The following DNPEP variants were observed in gnomAD, a reference collection of about 807,000 sequenced individuals.
DNPEP encodes the protein aspartyl aminopeptidase.
A neutral mutation model predicts 59.1 loss-of-function variants in DNPEP; 46 were observed. The observed-to-expected ratio is 0.78, with a 90% CI of 0.61 to 0.99. DNPEP has a LOEUF of 0.99. DNPEP is among the 50% of genes least tolerant of loss of function. DNPEP has a pLI of 0.00. For missense variants in DNPEP, 617 were observed against 649.9 expected, an observed-to-expected ratio of 0.95 and a Z score of 0.55; for synonymous variants, 229 against 242.2, an observed-to-expected ratio of 0.95 and a Z score of 0.50.
Position 219,386,882 on chromosome 2 carries a change from C to T in DNPEP, c.219+10G>A. On this transcript the variant is annotated intron_variant, in intron 3 of 14. Coordinates refer to ENST00000273075, the MANE Select transcript of DNPEP (RefSeq NM_012100.4). ...GACCTGCCTTTCCACCCCCACCCCA[C>T]CCCCAGTACCTTGCTCTCGGGCTTA... is the stretch of plus-strand genomic sequence containing the variant. 6.2e-7 allele frequency: 1 copy of T among 1,610,888 alleles called. No individual in the cohort carries two copies. Among genetic ancestry groups the T allele is most frequent in the Non-Finnish European group, 8.5e-7 (1 of 1,177,176 alleles).
intron 13 of DNPEP, among the ~76,000 whole-genome samples, chr2:219,376,474 C>T (rs1205777147): frequency 1.4e-5 from 2 of 143,926 alleles, no homozygotes; most frequent in Admixed American, 7.3e-5. Flanking sequence ...GGCAACAGAG[C>T]GAGACCCTGT....
At chr2:219,384,299 C>A in intron 9 of DNPEP, 67 bp downstream of exon 9, 2 of 1,486,474 alleles carry the variant, frequency 1.3e-6, no homozygotes, top group South Asian at 1.2e-5. Flanking sequence ...TTAGGCAGCT[C>A]CCCCGACCCC....
At position 219,373,529 on chromosome 2, in the gene DNPEP, T is replaced by G. The variant is rs1953257235; in HGVS notation, c.*763A>C. On this transcript the variant is annotated 3_prime_UTR_variant, in exon 15 of 15. Transcript: ENST00000273075. ...TGTGTGCCACCATGCCTGGCTAATT[T>G]TTTTGTATTTTTTTTTAAGTAGAGA... The G allele has an allele frequency of 6.6e-6, 1 of 152,060 alleles. No individual in the cohort carries two copies. Among genetic ancestry groups the G allele is most frequent in the Admixed American group, 6.6e-5 (1 of 15,252 alleles). The allele number at this position is 152,060 out of a possible 1,614,324, so 9.4% of individuals were successfully genotyped here. A position where few individuals can be genotyped will look rare whatever the true frequency, so the allele number is the denominator to read the frequency against.
intron 10 of DNPEP, among the ~76,000 whole-genome samples, 185 bp downstream of exon 10, chr2:219,382,946 G>C (rs1195634528): frequency 6.6e-6 from 1 of 152,132 alleles, no homozygotes. Flanking sequence ...CAGGAGAGAC[G>C]GTCACCCTCG....
chr2:219,388,769 T>C, upstream of DNPEP: 2 of 985,500 alleles, frequency 2.0e-6, no homozygotes, highest in Non-Finnish European at 2.4e-6. Flanking sequence ...ATAAAAGCAA[T>C]AAGGCTAATG....
rs1164136006 is a variant in DNPEP at position 219,372,527 on chromosome 2, G to A, written c.*1765C>T. Among the ~76,000 whole-genome samples, 3 of 151,916 alleles carry A rather than the reference G, an allele frequency of 2.0e-5. No homozygotes were observed. Among genetic ancestry groups the A allele is most frequent in the East Asian group, 3.9e-4 (2 of 5,174 alleles). ...ATTACAGGCACCCACCACCACGCAT[G>A]GCTAATTTTTTTTGTATTTTTAGTA... On this transcript the variant is annotated 3_prime_UTR_variant, in exon 15 of 15. Coordinates refer to ENST00000273075, the MANE Select transcript of DNPEP (RefSeq NM_012100.4).
chr2:219,385,082 C>A, intron 8 of DNPEP: 1 of 237,892 alleles, frequency 4.2e-6, no homozygotes, highest in Non-Finnish European at 8.2e-6. Context: ...CCATCAGCAA[C>A]CGGGAGACAG....
intron 13 of DNPEP, among the ~76,000 whole-genome samples, chr2:219,377,049 G>A (rs1048041838): frequency 8.6e-5 from 13 of 151,916 alleles, no homozygotes. Flanking sequence ...TGAGGTGGGC[G>A]GACCACTTGA....
At chr2:219,397,930 T>G (rs960450657) in intron 1 of DNPEP, among the ~76,000 whole-genome samples, 7 of 152,096 alleles carry the variant, frequency 4.6e-5, no homozygotes, top group African/African-American at 1.4e-4. Context: ...AGATGGAGTT[T>G]CAGTATGTTG....
upstream of DNPEP, chr2:219,388,750 T>C (rs866575822): frequency 1.1e-5 from 11 of 985,412 alleles, no homozygotes; most frequent in Admixed American, 1.2e-4. Context: ...CACAGCCACC[T>C]TTGTGACAAT....
At chr2:219,393,144 CAAT>C (rs1954045295), upstream of DNPEP, among the ~76,000 whole-genome samples, 1 of 152,154 alleles carries the variant, frequency 6.6e-6, no homozygotes, top group African/African-American at 2.4e-5. Flanking sequence ...CGAACCCTAA[CAAT>C]AACTGATGAG....
rs1217064754 is a variant in DNPEP at position 219,386,481 on chromosome 2, A to G, written c.334-70T>C. 2.1e-5 allele frequency: 34 copies of G among 1,601,352 alleles called. No homozygotes were observed. In the East Asian group the frequency reaches 5.8e-4, roughly 27 times the overall value. ...TGTGGAGATGAGACTTTGGCTACTC[A>G]TAAGTAACAGACAGCGAATATTAGT... On this transcript the variant is annotated intron_variant, in intron 4 of 14. Coordinates refer to ENST00000273075, the MANE Select transcript of DNPEP (RefSeq NM_012100.4).
intron 13 of DNPEP, among the ~76,000 whole-genome samples, chr2:219,378,416 G>A (rs944150524): frequency 6.6e-6 from 1 of 152,172 alleles, no homozygotes; most frequent in African/African-American, 2.4e-5. Context: ...ATTTCTCAGT[G>A]GTTAGGTCTC....
chr2:219,372,307 T>C lies in DNPEP; in HGVS notation c.*1985A>G, dbSNP rs931289381. Among the ~76,000 whole-genome samples, 6 of 152,324 alleles carry C rather than the reference T, an allele frequency of 3.9e-5. No individual in the cohort carries two copies. Among genetic ancestry groups the C allele is most frequent in the African/African-American group, 1.2e-4 (5 of 41,574 alleles). ...ACTGTAAAAGTTTCAGGTGCATTTT[T>C]CCAGGCTTTTTCTATACATGTATAC... On this transcript the variant is annotated 3_prime_UTR_variant, in exon 15 of 15. Transcript: ENST00000273075.
At position 219,386,297 on chromosome 2, in the gene DNPEP, C is replaced by T. The variant is rs372079508; in HGVS notation, c.448G>A (p.Val150Ile). 148 of 1,614,184 alleles carry T rather than the reference C, an allele frequency of 9.2e-5. No individual in the cohort carries two copies. Among genetic ancestry groups the T allele is most frequent in the Admixed American group, 5.8e-4 (35 of 60,036 alleles). ...ACCTCGGTTCCCACCTTGACAATGA[C>T]GCGTCCAGCCAGAGTCAGGTCACGG... ...FDRDLTLAGR[V>I]IVKCPTSGRL... Residue 150 changes from valine (V) to isoleucine (I), a missense_variant, in exon 5 of 15, where the codon GTC becomes ATC. Coordinates refer to ENST00000273075, the MANE Select transcript of DNPEP (RefSeq NM_012100.4).
Position 219,380,202 on chromosome 2 carries a change from C to CTTT in DNPEP, c.1239+1130_1239+1132dup, listed in dbSNP as rs71040453. Among the ~76,000 whole-genome samples the CTTT allele has an allele frequency of 1.6e-4, 21 of 129,186 alleles. 1 individual carries two copies. Among genetic ancestry groups the CTTT allele is most frequent in the African/African-American group, 4.6e-4 (16 of 34,540 alleles). The allele number at this position is 129,186 out of a possible 152,430, so 84.8% of individuals were successfully genotyped here. A position where few individuals can be genotyped will look rare whatever the true frequency, so the allele number is the denominator to read the frequency against. On this transcript the variant is annotated intron_variant, in intron 13 of 14. Transcript: ENST00000273075. ...TTCCTGTAACTTTTCTTTTTCTTTT[C>CTTT]TTTTTTTTTTTTTTTTGGTTTTGTT...
chr2:219,382,281 C>A, intron 10 of DNPEP, 142 bp from the exon 11 acceptor site: 1 of 895,672 alleles, frequency 1.1e-6, no homozygotes, highest in Non-Finnish European at 1.7e-6. Context: ...AACCTGGGGT[C>A]GTCACTGAAC....
chr2:219,387,714 C>G (rs779621588), intron 1 of DNPEP, 45 bp downstream of exon 1: 54 of 1,606,820 alleles, frequency 3.4e-5, no homozygotes, highest in Non-Finnish European at 4.2e-5. Flanking sequence ...GCGCCGGACC[C>G]GGTCTGGGAT....
At chr2:219,398,990 C>A (rs1954142945) in intron 1 of DNPEP, among the ~76,000 whole-genome samples, 1 of 152,254 alleles carries the variant, frequency 6.6e-6, no homozygotes, top group African/African-American at 2.4e-5. Flanking sequence ...TTTTAGTGAA[C>A]AGGGCTGTTT....
Sources: gnomAD v4.1 joint callset for allele counts (sites outside exome capture counted in the v4.1 genomes callset) on GRCh38, gnomAD v4.1.1 for gene constraint, MANE v1.5 for transcripts, NCBI Gene and HGNC (gene_info 2026-07-23, HGNC 2026-07-21) for gene names.